Variants in CELSR1 observed in about 807,000 individuals in gnomAD.
CELSR1 encodes adhesion G protein-coupled receptor C1.
Under a neutral mutation model 249.1 loss-of-function variants are expected in CELSR1, and 110 were observed. That is an observed-to-expected ratio of 0.44 (90% CI 0.38 to 0.52). The LOEUF (loss-of-function observed/expected upper bound fraction) is 0.52, where lower values mean the gene tolerates loss of function less well. Ranked by LOEUF, CELSR1 falls within the 20% of genes least tolerant of loss-of-function variation. CELSR1 has a pLI of 0.00. For synonymous variants in CELSR1, 2,113 were observed against 1,900.0 expected (o/e 1.11, Z -2.92); for missense variants, 4,109 against 4,296.4 (o/e 0.96, Z 1.22).
chr22:46,534,800 T>C lies in CELSR1; in HGVS notation c.2371A>G (p.Ser791Gly). The change falls in exon 1 of 35, where the codon AGC (serine) becomes GGC (glycine). Residue 791 changes from serine (S) to glycine (G), a missense_variant. Ser to Gly is a moderately conservative substitution (Grantham distance 56). This residue lies in a region of CELSR1 where 886 missense variants were observed against 896.5 expected (regional missense o/e 0.99). Coordinates refer to ENST00000674500, the MANE Select transcript of CELSR1 (RefSeq NM_001378328.1). The surrounding 1 kb of genome is among the most constrained non-coding windows in gnomAD (Gnocchi z 9.7). ...CTGACACTCACTGTGTAATGGGAGC[T>C]CTGAAAGACAGGCCTGTGGGTGTTG... is the stretch of plus-strand genomic sequence containing the variant. ...DANTHRPVFQ[S>G]SHYTVSVSED... 3.7e-6 allele frequency: 6 copies of C among 1,613,162 alleles called. No homozygotes were observed. The highest frequency in any genetic ancestry group is 5.1e-6 in the Non-Finnish European group (6 of 1,180,004).
At chr22:46,392,761 TTGC>T (rs2079107354) in intron 14 of CELSR1, among the ~76,000 whole-genome samples, 5 of 134,378 alleles carry the variant, frequency 3.7e-5, no homozygotes, top group Admixed American at 7.3e-5. Context: ...TCTCACTATG[TTGC>T]CCAGGCTGGT....
chr22:46,385,956 C>G (rs1261736668), intron 19 of CELSR1, among the ~76,000 whole-genome samples: 1 of 149,788 alleles, frequency 6.7e-6, no homozygotes, highest in Non-Finnish European at 1.5e-5. Context: ...GGATTACAGG[C>G]GTGAGCCACC....
rs147270505 is a variant in CELSR1 at position 46,446,429 on chromosome 22, A to AC, written c.4184-7019dup. On this transcript the variant is annotated intron_variant, in intron 2 of 34. Coordinates refer to ENST00000674500, the MANE Select transcript of CELSR1 (RefSeq NM_001378328.1). This position sits in a 1 kb window ranked among gnomAD's most constrained non-coding sequence, Gnocchi z 5.5. ...CTCCAGCAATCGCCCCACCAGCTCC[A>AC]CATCCAGCCCTGCTTGTGCGATGGT... Among the ~76,000 whole-genome samples, 769 of 152,164 alleles carry AC rather than the reference A, an allele frequency of 5.1e-3. 9 individuals are homozygous for AC. The highest frequency in any genetic ancestry group is 8.4e-3 in the Non-Finnish European group (570 of 68,012).
At position 46,512,827 on chromosome 22, in the gene CELSR1, C is replaced by T. The variant is rs2080587428; in HGVS notation, c.3544+20800G>A. On this transcript the variant is annotated intron_variant, in intron 1 of 34. Transcript: ENST00000674500. The surrounding 1 kb of genome is among the most constrained non-coding windows in gnomAD (Gnocchi z 5.2). ...ATGTGCCCCTGCAAGAACCAGGGGC[C>T]CCCCACCCTCTTGTTCCTTCCGGGT... is the stretch of plus-strand genomic sequence containing the variant. Among the ~76,000 whole-genome samples, 1 of 152,176 alleles carries T rather than the reference C, an allele frequency of 6.6e-6. No homozygotes were observed. The highest frequency in any genetic ancestry group is 2.1e-4 in the South Asian group (1 of 4,830).
At position 46,409,292 on chromosome 22, in the gene CELSR1, G is replaced by A; in HGVS notation, c.5060-130C>T. 3.3e-6 allele frequency: 3 copies of A among 901,678 alleles called. No homozygotes were observed. The highest frequency in any genetic ancestry group is 4.9e-6 in the Non-Finnish European group (3 of 610,168). The allele number at this position is 901,678 out of a possible 1,614,324, so 55.9% of individuals were successfully genotyped here. On this transcript the variant is annotated intron_variant, in intron 8 of 34. Coordinates refer to ENST00000674500, the MANE Select transcript of CELSR1 (RefSeq NM_001378328.1). This position sits in a 1 kb window ranked among gnomAD's most constrained non-coding sequence, Gnocchi z 9.8. ...TTCACTTTAACACGAAGGTGGGTCT[G>A]AGCCTCCCCTCTGTGACGCATCCAG... is the stretch of plus-strand genomic sequence containing the variant.
intron 1 of CELSR1, among the ~76,000 whole-genome samples, chr22:46,504,240 G>A (rs1000618081): frequency 2.0e-5 from 3 of 152,116 alleles, no homozygotes; most frequent in African/African-American, 4.8e-5. Flanking sequence ...CTGGCCAAGC[G>A]CAGTGGCTCA....
rs748199753 is a variant in CELSR1, at chr22:46,409,923, C to T, written c.4934-43G>A. On this transcript the variant is annotated intron_variant, in intron 7 of 34. Coordinates refer to ENST00000674500, the MANE Select transcript of CELSR1 (RefSeq NM_001378328.1). This position sits in a 1 kb window ranked among gnomAD's most constrained non-coding sequence, Gnocchi z 9.8. ...GCGGCAGAGCCTGACTCGGAGGAACCGCCCGGGGTCCCCGGCGCCAGACGT... is the reference window on the plus strand; with the variant it reads ...GCGGCAGAGCCTGACTCGGAGGAACTGCCCGGGGTCCCCGGCGCCAGACGT... 27 of 1,604,234 alleles carry T rather than the reference C, an allele frequency of 1.7e-5. No individual in the cohort carries two copies. The East Asian group carries it at 1.8e-4, about 11-fold the overall frequency.
intron 25 of CELSR1, among the ~76,000 whole-genome samples, chr22:46,370,453 C>G (rs1203643085): frequency 2.0e-5 from 3 of 152,052 alleles, no homozygotes; most frequent in Non-Finnish European, 4.4e-5. Context: ...GCCTCACCAC[C>G]GAGCCTGCTA....
intron 1 of CELSR1, among the ~76,000 whole-genome samples, chr22:46,469,855 C>T (rs372638687): frequency 6.3e-5 from 9 of 141,920 alleles, no homozygotes; most frequent in African/African-American, 2.1e-4. Flanking sequence ...TGTTTCTTTC[C>T]CCATGAGTCC....
At position 46,464,404 on chromosome 22, in the gene CELSR1, G is replaced by A. The variant is rs893972116; in HGVS notation, c.3545-59C>T. 3 of 1,549,148 alleles carry A rather than the reference G, an allele frequency of 1.9e-6. No individual in the cohort carries two copies. The highest frequency in any genetic ancestry group is 1.4e-5 in the African/African-American group (1 of 73,562). The stretch of plus-strand genomic sequence containing the variant: ...TGCTGCGGGAGTCACAGGTCCTATA[G>A]GCCCCATCCCAGGAGCAGCCTCAGG... On this transcript the variant is annotated intron_variant, in intron 1 of 34. Transcript: ENST00000674500. This position sits in a 1 kb window ranked among gnomAD's most constrained non-coding sequence, Gnocchi z 8.5.
rs1343194259 is a variant in CELSR1 at position 46,399,365 on chromosome 22, G to C, written c.5412+352C>G. Among the ~76,000 whole-genome samples the C allele has an allele frequency of 6.6e-6, 1 of 152,216 alleles. No homozygotes were observed. The highest frequency in any genetic ancestry group is 1.5e-5 in the Non-Finnish European group (1 of 68,036). On this transcript the variant is annotated intron_variant, in intron 10 of 34. Coordinates refer to ENST00000674500, the MANE Select transcript of CELSR1 (RefSeq NM_001378328.1). The surrounding 1 kb of genome is among the most constrained non-coding windows in gnomAD (Gnocchi z 5.0). The stretch of plus-strand genomic sequence containing the variant: ...CCATGCTCTGAGGGCACGGGCCCCA[G>C]CATTGCTACTTCAGTACCCTAAAGA...
chr22:46,421,063 G>C (rs1340686192), intron 5 of CELSR1, among the ~76,000 whole-genome samples: 5 of 152,198 alleles, frequency 3.3e-5, no homozygotes, highest in Non-Finnish European at 5.9e-5. Context: ...CTGTGCTTCA[G>C]TTTCCTCATC....
chr22:46,461,588 G>A (rs993511214), intron 2 of CELSR1, among the ~76,000 whole-genome samples: 1 of 152,192 alleles, frequency 6.6e-6, no homozygotes, highest in Non-Finnish European at 1.5e-5. Context: ...GCCAGAGGTG[G>A]TGGGTGCTTG....
At position 46,423,156 on chromosome 22, in the gene CELSR1, C is replaced by T. The variant is rs551139688; in HGVS notation, c.4611+10237G>A. On this transcript the variant is annotated intron_variant, in intron 5 of 34. Transcript: ENST00000674500. This position sits in a 1 kb window ranked among gnomAD's most constrained non-coding sequence, Gnocchi z 5.6. The stretch of plus-strand genomic sequence containing the variant: ...TAGGAACCCCCTGCCACCAAGTGAA[C>T]GGCCAGGGTGGCCTGCTGGAAGATG... 4.6e-5 allele frequency among the ~76,000 whole-genome samples: 7 copies of T among 152,338 alleles called. No homozygotes were observed. Among genetic ancestry groups the T allele is most frequent in the African/African-American group, 1.2e-4 (5 of 41,578 alleles).
In CELSR1 at chr22:46,448,813, C is replaced by T. The variant is rs1222014986; in HGVS notation, c.4184-9402G>A. Reference sequence around the variant, plus strand: ...CCCATCAAAGAGCTCAGTCCTAACACTGGATCCTAGGATGCAGAAAGCACA... The same window carrying T: ...CCCATCAAAGAGCTCAGTCCTAACATTGGATCCTAGGATGCAGAAAGCACA... On this transcript the variant is annotated intron_variant, in intron 2 of 34. Transcript: ENST00000674500. This position sits in a 1 kb window ranked among gnomAD's most constrained non-coding sequence, Gnocchi z 5.7. Among the ~76,000 whole-genome samples, 2 of 152,182 alleles carry T rather than the reference C, an allele frequency of 1.3e-5. No individual in the cohort carries two copies. Among genetic ancestry groups the T allele is most frequent in the Non-Finnish European group, 2.9e-5 (2 of 68,032 alleles).
In CELSR1 at chr22:46,533,879, G is replaced by A. The variant is rs1420536697; in HGVS notation, c.3292C>T (p.Pro1098Ser). Residue 1098 changes from proline to serine, a missense_variant, in exon 1 of 35, where the codon CCG (proline) becomes TCG (serine). Pro to Ser is a moderately conservative substitution (Grantham distance 74). Transcript: ENST00000674500. The stretch of plus-strand genomic sequence containing the variant: ...ATCTGGAAGTCGGGCAGCACAGGCG[G>A]GTTGTCATTCTGGTCCACGAGAAGG... ...HILLVDQNDN[P>S]PVLPDFQILF... The A allele has an allele frequency of 1.2e-6, 2 of 1,613,660 alleles. No homozygotes were observed. The highest frequency in any genetic ancestry group is 1.7e-6 in the Non-Finnish European group (2 of 1,180,028).
rs184114689 is a variant in CELSR1, at chr22:46,527,870, C to A, written c.3544+5757G>T. ...CAGCATTTTGGGAGGCTGAGGCGGG[C>A]GGATAGCCTGAGGTCAGGAGTTGGA... On this transcript the variant is annotated intron_variant, in intron 1 of 34. Transcript: ENST00000674500. This position sits in a 1 kb window ranked among gnomAD's most constrained non-coding sequence, Gnocchi z 5.5. 6.6e-6 allele frequency among the ~76,000 whole-genome samples: 1 copy of A among 152,076 alleles called. No individual in the cohort carries two copies. Among genetic ancestry groups the A allele is most frequent in the African/African-American group, 2.4e-5 (1 of 41,400 alleles).
chr22:46,422,113 GT>G (rs2079481029), intron 5 of CELSR1, among the ~76,000 whole-genome samples: 3 of 151,422 alleles, frequency 2.0e-5, no homozygotes, highest in Admixed American at 1.3e-4. Context: ...TATTTTTTTT[GT>G]TTTATTTTTG....
At position 46,397,981 on chromosome 22, in the gene CELSR1, G is replaced by A. The variant is rs369735196; in HGVS notation, c.5527-133C>T. 7.8e-4 allele frequency: 640 copies of A among 817,486 alleles called. 9 individuals carry two copies. In the South Asian group the frequency reaches 0.019, roughly 24 times the overall value. The allele number at this position is 817,486 out of a possible 1,614,324, so 50.6% of individuals were successfully genotyped here. A position where few individuals can be genotyped will look rare whatever the true frequency, so the allele number is the denominator to read the frequency against. On this transcript the variant is annotated intron_variant, in intron 11 of 34. Transcript: ENST00000674500. The stretch of plus-strand genomic sequence containing the variant: ...CCTCATTTATCTACAGAGCTGGGGC[G>A]GGCAGGGTTGTTCCTCTTGCCCCAC...
Sources: gnomAD v4.1 joint callset for allele counts (sites outside exome capture counted in the v4.1 genomes callset) on GRCh38, gnomAD v4.1.1 for gene constraint, gnomAD v4.1.1 regional missense constraint, Gnocchi (gnomAD v3.1) non-coding constraint, MANE v1.5 for transcripts, NCBI Gene and HGNC (gene_info 2026-07-23, HGNC 2026-07-21) for gene names.